Variants in MAOB observed in about 807,000 individuals in gnomAD.
MAOB encodes the protein amine oxidase [flavin-containing] B.
MAOB carries 15 observed loss-of-function variants against 41.9 expected under a neutral mutation model. The observed-to-expected ratio is 0.36, with a 90% CI of 0.24 to 0.55. The LOEUF is 0.55. MAOB is among the 20% of genes least tolerant of loss of function. The pLI, the probability that MAOB is intolerant of heterozygous loss-of-function variation, is 0.86. For synonymous variants in MAOB, 167 were observed against 144.2 expected, an observed-to-expected ratio of 1.16 and a Z score of -1.13; for missense variants, 345 against 398.7, an observed-to-expected ratio of 0.87 and a Z score of 1.15.
chrX:43,858,032 C>T (rs995751932), intron 1 of MAOB, among the ~76,000 whole-genome samples: 9 of 111,721 alleles, frequency 8.1e-5, no homozygotes, highest in African/African-American at 2.9e-4. Context: ...AATGTGGCTT[C>T]AGCAAAGACA....
intron 3 of MAOB, among the ~76,000 whole-genome samples, chrX:43,817,628 C>G (rs1393977350): frequency 8.9e-6 from 1 of 111,813 alleles, no homozygotes; most frequent in Non-Finnish European, 1.9e-5. Context: ...ACTCCAAAGT[C>G]CTTTCCATGG....
intron 8 of MAOB, among the ~76,000 whole-genome samples, chrX:43,787,595 G>A (rs1211137647): frequency 8.9e-6 from 1 of 112,039 alleles, no homozygotes; most frequent in Non-Finnish European, 1.9e-5. Context: ...ATGTTTTATA[G>A]TTACAACGAT....
At chrX:43,788,494 A>G (rs775198433) in intron 8 of MAOB, among the ~76,000 whole-genome samples, 10 of 112,237 alleles carry the variant, frequency 8.9e-5, no homozygotes, top group African/African-American at 2.9e-4. Context: ...TATCAAAAAG[A>G]AATGCTCCTA....
At chrX:43,857,128 GAGAGAGA>G (rs2035299907) in intron 1 of MAOB, among the ~76,000 whole-genome samples, 1 of 20,548 alleles carries the variant, frequency 4.9e-5, no homozygotes, top group Admixed American at 6.2e-4. Flanking sequence ...GAGAGAGAGA[GAGAGAGA>G]GAGAGAGAGA....
intron 3 of MAOB, among the ~76,000 whole-genome samples, 182 bp from the exon 4 acceptor site, chrX:43,803,586 A>C (rs923663873): frequency 8.9e-6 from 1 of 112,253 alleles, no homozygotes; most frequent in Non-Finnish European, 1.9e-5. Context: ...AGAGATTGCC[A>C]GCAAAATTCT....
chrX:43,838,770 A>C, intron 3 of MAOB, 98 bp downstream of exon 3: 2 of 832,136 alleles, frequency 2.4e-6, no homozygotes, highest in Non-Finnish European at 3.3e-6. Context: ...TGCATCATCC[A>C]GAGATATAGA....
intron 1 of MAOB, among the ~76,000 whole-genome samples, chrX:43,879,193 T>C (rs1382134361): frequency 1.8e-5 from 2 of 111,877 alleles, no homozygotes; most frequent in Non-Finnish European, 1.9e-5. Context: ...TACTCATTTA[T>C]ACACCATACA....
chrX:43,836,372 A>T (rs751326704), intron 3 of MAOB, among the ~76,000 whole-genome samples: 2 of 112,617 alleles, frequency 1.8e-5, no homozygotes, highest in African/African-American at 6.5e-5. Flanking sequence ...CTTCTTAGCT[A>T]TAAGGTCTTC....
chrX:43,826,229 G>A (rs1376996183), intron 3 of MAOB, among the ~76,000 whole-genome samples: 4 of 111,640 alleles, frequency 3.6e-5, no homozygotes, highest in African/African-American at 1.3e-4. Context: ...AAGTGTTGAG[G>A]TGGGGGACCC....
chrX:43,781,557 C>T lies in MAOB; in HGVS notation c.929-13G>A, dbSNP rs7892217. On this transcript the variant is annotated splice_polypyrimidine_tract_variant and intron_variant, in intron 8 of 14. Transcript: ENST00000378069. ...GTTCCACAGTAATCTTAGAGAACAG[C>T]AAAATGGAAGAGCATATTCATCACT... 3.2e-4 allele frequency: 307 copies of T among 967,832 alleles called. No individual in the cohort carries two copies. In the African/African-American group the frequency reaches 5.0e-3, roughly 16 times the overall value. The allele number at this position is 967,832 out of a possible 1,213,427, so 79.8% of individuals were successfully genotyped here.
intron 8 of MAOB, among the ~76,000 whole-genome samples, chrX:43,783,866 G>A (rs2034367364): frequency 8.9e-6 from 1 of 112,080 alleles, no homozygotes; most frequent in Non-Finnish European, 1.9e-5. Flanking sequence ...TTCAAAATTG[G>A]AGTCAATCCT....
intron 3 of MAOB, among the ~76,000 whole-genome samples, chrX:43,804,344 T>C (rs755757557): frequency 9.0e-6 from 1 of 111,401 alleles, no homozygotes; most frequent in African/African-American, 3.3e-5. Flanking sequence ...TCTGTGGCCA[T>C]GTTGGTCTTC....
chrX:43,793,391 A>C, intron 8 of MAOB, 28 bp downstream of exon 8: 2 of 1,110,974 alleles, frequency 1.8e-6, no homozygotes, highest in Non-Finnish European at 2.4e-6. Flanking sequence ...CCTTCTTCTA[A>C]AGGTTTTTAT....
chrX:43,816,125 A>T (rs890104367), intron 3 of MAOB, among the ~76,000 whole-genome samples: 1 of 111,875 alleles, frequency 8.9e-6, no homozygotes, highest in Non-Finnish European at 1.9e-5. Flanking sequence ...TACATACTAT[A>T]AGATTTCATT....
chrX:43,862,331 G>A (rs1389459563), intron 1 of MAOB, among the ~76,000 whole-genome samples: 1 of 111,438 alleles, frequency 9.0e-6, no homozygotes, highest in African/African-American at 3.3e-5. Flanking sequence ...GTCTTACTAT[G>A]TCCCTCTGTT....
At chrX:43,781,344 G>GT (rs1216950553) in intron 9 of MAOB, 104 bp downstream of exon 9, 1 of 384,047 alleles carries the variant, frequency 2.6e-6, no homozygotes, top group African/African-American at 2.7e-5. Flanking sequence ...ATACCACTGG[G>GT]TAAAAAAAAA....
chrX:43,847,303 C>A (rs1299382567), intron 1 of MAOB, among the ~76,000 whole-genome samples: 2 of 111,007 alleles, frequency 1.8e-5, no homozygotes, highest in African/African-American at 6.6e-5. Context: ...CAAGACCATG[C>A]CACTGCACTC....
chrX:43,823,095 C>A (rs776940082), intron 3 of MAOB, among the ~76,000 whole-genome samples: 4 of 108,456 alleles, frequency 3.7e-5, no homozygotes, highest in Non-Finnish European at 7.6e-5. Flanking sequence ...TAGTAAATAG[C>A]GAGTTCAGAA....
At chrX:43,858,571 G>A (rs1234336879) in intron 1 of MAOB, among the ~76,000 whole-genome samples, 7 of 110,149 alleles carry the variant, frequency 6.4e-5, no homozygotes, top group Non-Finnish European at 1.3e-4. Context: ...TCACCTCCTC[G>A]AGAGAATTTG....
Sources: gnomAD v4.1 joint callset for allele counts (sites outside exome capture counted in the v4.1 genomes callset) on GRCh38, gnomAD v4.1.1 for gene constraint, MANE v1.5 for transcripts, NCBI Gene and HGNC (gene_info 2026-07-23, HGNC 2026-07-21) for gene names.